The following IFT81 variants were observed in gnomAD, a reference collection of about 807,000 sequenced individuals.
IFT81 encodes intraflagellar transport 81.
A neutral mutation model predicts 102.6 loss-of-function variants in IFT81; 72 were observed. The ratio of observed to expected loss-of-function variants is 0.70; its 90% CI spans 0.58 to 0.85. The LOEUF is 0.85. Among genes scored for constraint, IFT81 ranks in the 40% least tolerant of loss-of-function variants. IFT81 has a pLI of 0.00. For synonymous variants in IFT81, 237 were observed against 242.7 expected, an observed-to-expected ratio of 0.98 and a Z score of 0.22; for missense variants, 723 against 787.3, an observed-to-expected ratio of 0.92 and a Z score of 0.98.
chr12:110,166,367 G>A (rs1896435115), intron 11 of IFT81, among the ~76,000 whole-genome samples: 2 of 152,066 alleles, frequency 1.3e-5, no homozygotes, highest in Admixed American at 1.3e-4. Flanking sequence ...GAATAAGATA[G>A]CATTAATGAG....
intron 8 of IFT81, among the ~76,000 whole-genome samples, chr12:110,139,532 G>A (rs765679683): frequency 4.6e-5 from 7 of 151,442 alleles, no homozygotes; most frequent in African/African-American, 1.5e-4. Flanking sequence ...AAATTATTTG[G>A]GAGGCCAAGG....
At position 110,203,999 on chromosome 12, in the gene IFT81, G is replaced by GTA. The variant is rs1312090611; in HGVS notation, c.1644+50_1644+51dup. 12 of 1,162,688 alleles carry GTA rather than the reference G, an allele frequency of 1.0e-5. No homozygotes were observed. In the Admixed American group the frequency reaches 2.2e-4, roughly 21 times the overall value. The allele number at this position is 1,162,688 out of a possible 1,614,324, so 72.0% of individuals were successfully genotyped here. A position where few individuals can be genotyped will look rare whatever the true frequency, so the allele number is the denominator to read the frequency against. Reference sequence around the variant, plus strand: ...ACAATTTAGCAAAAACTACCTGTGTGTACACCTGTAGTCCCAGCTACTCTG... The same window carrying GTA: ...ACAATTTAGCAAAAACTACCTGTGTGTATACACCTGTAGTCCCAGCTACTCTG... On this transcript the variant is annotated intron_variant, in intron 15 of 18. Coordinates refer to ENST00000242591, the MANE Select transcript of IFT81 (RefSeq NM_014055.4).
In IFT81 at chr12:110,146,936, CT is replaced by C. The variant is rs555816079; in HGVS notation, c.946-14del. Reference sequence around the variant, plus strand: ...GGAAAGTTTTAACTTTTTTTTTTTGCTTTCATGCTATTTTAGATAAATGAAA... The same window carrying C: ...GGAAAGTTTTAACTTTTTTTTTTTGCTTCATGCTATTTTAGATAAATGAAA... On this transcript the variant is annotated splice_polypyrimidine_tract_variant and intron_variant, in intron 9 of 18. Coordinates refer to ENST00000242591, the MANE Select transcript of IFT81 (RefSeq NM_014055.4). 98 of 1,552,418 alleles carry C rather than the reference CT, an allele frequency of 6.3e-5. 3 individuals carry two copies. In the South Asian group the frequency reaches 1.2e-3, roughly 19 times the overall value.
intron 11 of IFT81, among the ~76,000 whole-genome samples, chr12:110,175,902 T>C (rs551849501): frequency 1.7e-3 from 262 of 152,334 alleles, no homozygotes; most frequent in Non-Finnish European, 3.4e-3. Flanking sequence ...TTTTTCTATA[T>C]TGCATTTATT....
intron 11 of IFT81, among the ~76,000 whole-genome samples, chr12:110,179,197 T>C (rs1897177566): frequency 6.6e-6 from 1 of 152,152 alleles, no homozygotes; most frequent in African/African-American, 2.4e-5. Context: ...AAATAGTAGC[T>C]ACAAGTGTTG....
intron 10 of IFT81, among the ~76,000 whole-genome samples, chr12:110,151,261 A>G (rs1428606268): frequency 7.9e-5 from 12 of 152,194 alleles, no homozygotes; most frequent in African/African-American, 2.9e-4. Flanking sequence ...ATTTCATATA[A>G]ATGGAATATT....
At chr12:110,134,883 A>G (rs938724328) in intron 5 of IFT81, 65 bp from the exon 6 acceptor site, 2 of 1,192,626 alleles carry the variant, frequency 1.7e-6, no homozygotes, top group Admixed American at 4.1e-5. Flanking sequence ...TCAAAATAAA[A>G]CCTTATCTGT....
At chr12:110,126,742 A>G (rs1350156027) in intron 1 of IFT81, among the ~76,000 whole-genome samples, 1 of 152,178 alleles carries the variant, frequency 6.6e-6, no homozygotes, top group Admixed American at 6.5e-5. Flanking sequence ...AGAGAACAAG[A>G]GGCTGTGGCC....
intron 14 of IFT81, chr12:110,203,450 G>A (rs948394224): frequency 7.8e-5 from 14 of 179,052 alleles, no homozygotes; most frequent in Admixed American, 5.5e-5. Flanking sequence ...GATTAGCTTA[G>A]ATATCAATTT....
At chr12:110,125,983 A>C (rs1189256051) in intron 1 of IFT81, among the ~76,000 whole-genome samples, 1 of 152,142 alleles carries the variant, frequency 6.6e-6, no homozygotes, top group Non-Finnish European at 1.5e-5. Flanking sequence ...TACCTAAAGA[A>C]CTAGCACAAG....
At chr12:110,191,461 A>G (rs12296821) in intron 13 of IFT81, among the ~76,000 whole-genome samples, 73,262 of 151,948 alleles carry the variant, frequency 0.48, 20,033 homozygotes, top group African/African-American at 0.75. Flanking sequence ...GTGAGCCACT[A>G]CACCCGGTCT....
At chr12:110,128,249 C>A in intron 3 of IFT81, 100 bp downstream of exon 3, 1 of 710,300 alleles carries the variant, frequency 1.4e-6, no homozygotes, top group Non-Finnish European at 2.5e-6. Flanking sequence ...TGGTTTCCCT[C>A]ATTTGATGGC....
At chr12:110,180,863 G>A (rs560497613) in intron 12 of IFT81, among the ~76,000 whole-genome samples, 43 of 152,308 alleles carry the variant, frequency 2.8e-4, no homozygotes, top group African/African-American at 1.0e-3. Flanking sequence ...TACCAAGAGA[G>A]TGACTGTAAA....
At chr12:110,182,034 A>G (rs1897327948) in intron 12 of IFT81, among the ~76,000 whole-genome samples, 1 of 152,316 alleles carries the variant, frequency 6.6e-6, no homozygotes, top group African/African-American at 2.4e-5. Flanking sequence ...CATGGCAGTC[A>G]GTCATTTGGC....
At position 110,218,091 on chromosome 12, in the gene IFT81, T is replaced by C; in HGVS notation, c.1896T>C (p.Asn632=). 3.1e-6 allele frequency: 5 copies of C among 1,604,692 alleles called. No homozygotes were observed. Among genetic ancestry groups the C allele is most frequent in the Non-Finnish European group, 4.2e-6 (5 of 1,177,460 alleles). The stretch of plus-strand genomic sequence containing the variant: ...TTATACGAGAAAGTCATGGTCCAAA[T>C]ATGAAACAAGCAAAAATGTGGCGTG... ...QKVIRESHGP[N]MKQAKMWRDL... The change falls in exon 19 of 19, where the codon AAT becomes AAC. Residue 632 remains asparagine, a synonymous_variant. Transcript: ENST00000242591.
intron 12 of IFT81, among the ~76,000 whole-genome samples, chr12:110,186,961 C>T (rs1267011312): frequency 6.6e-6 from 1 of 151,314 alleles, no homozygotes; most frequent in Non-Finnish European, 1.5e-5. Flanking sequence ...TTCTTTTTTT[C>T]ATTTTCTATT....
At chr12:110,191,820 TC>T (rs1897812948) in intron 13 of IFT81, among the ~76,000 whole-genome samples, 1 of 151,880 alleles carries the variant, frequency 6.6e-6, no homozygotes, top group South Asian at 2.1e-4. Context: ...CATTGGCCAT[TC>T]CCCCAGAACC....
chr12:110,167,427 C>G (rs1463256669), intron 11 of IFT81, among the ~76,000 whole-genome samples: 4 of 152,074 alleles, frequency 2.6e-5, no homozygotes, highest in African/African-American at 9.7e-5. Flanking sequence ...GATTTCTTTC[C>G]CTTCATACCA....
chr12:110,197,547 GTTT>G (rs1271707619), intron 14 of IFT81, among the ~76,000 whole-genome samples: 2 of 90,998 alleles, frequency 2.2e-5, no homozygotes, highest in African/African-American at 9.2e-5. Context: ...TTATTCTTAG[GTTT>G]TTATCATATA....
Sources: gnomAD v4.1 joint callset for allele counts (sites outside exome capture counted in the v4.1 genomes callset) on GRCh38, gnomAD v4.1.1 for gene constraint, MANE v1.5 for transcripts, NCBI Gene and HGNC (gene_info 2026-07-23, HGNC 2026-07-21) for gene names.